The following KCNIP1 variants were observed in gnomAD, a reference collection of about 807,000 sequenced individuals.
KCNIP1 encodes A-type potassium channel modulatory protein KCNIP1.
A neutral mutation model predicts 33.0 loss-of-function variants in KCNIP1; 18 were observed. That is an observed-to-expected ratio of 0.55 (90% CI 0.38 to 0.81). The LOEUF (loss-of-function observed/expected upper bound fraction) is 0.81, where lower values mean the gene tolerates loss of function less well. KCNIP1 is among the 30% of genes least tolerant of loss of function. The probability of loss-of-function intolerance (pLI) is 0.00; values close to 1 mark genes in which losing one functional copy is unlikely to be tolerated. For missense variants in KCNIP1, 238 were observed against 271.6 expected (o/e 0.88, Z 0.87); for synonymous variants, 93 against 98.3 (o/e 0.95, Z 0.32).
At chr5:170,648,651 A>C (rs971519618) in intron 1 of KCNIP1, among the ~76,000 whole-genome samples, 1 of 152,220 alleles carries the variant, frequency 6.6e-6, no homozygotes, top group African/African-American at 2.4e-5. Flanking sequence ...TTTTTAGGGC[A>C]TTGAAACAGT....
intron 1 of KCNIP1, among the ~76,000 whole-genome samples, chr5:170,639,856 C>T (rs1013270677): frequency 1.3e-5 from 2 of 152,250 alleles, no homozygotes; most frequent in Non-Finnish European, 2.9e-5. Context: ...CTGACAAAAA[C>T]ATTATTTTGC....
At chr5:170,455,255 C>A (rs1459602968) in intron 1 of KCNIP1, among the ~76,000 whole-genome samples, 2 of 151,284 alleles carry the variant, frequency 1.3e-5, no homozygotes, top group African/African-American at 4.9e-5. Context: ...CACCCAACAA[C>A]AGAAGTCTTC....
chr5:170,663,211 T>C (rs1581465849), intron 1 of KCNIP1, among the ~76,000 whole-genome samples: 1 of 152,314 alleles, frequency 6.6e-6, no homozygotes, highest in South Asian at 2.1e-4. Context: ...GACTTGTCCA[T>C]GGTCACACAG....
intron 1 of KCNIP1, among the ~76,000 whole-genome samples, chr5:170,472,925 C>A (rs1259099497): frequency 6.6e-6 from 1 of 152,100 alleles, no homozygotes. Flanking sequence ...ATAAAGACTT[C>A]TTTTCCTCTG....
At chr5:170,611,348 G>A (rs141933434) in intron 1 of KCNIP1, among the ~76,000 whole-genome samples, 3 of 152,336 alleles carry the variant, frequency 2.0e-5, no homozygotes, top group Middle Eastern at 3.4e-3. Flanking sequence ...CACATTTGGT[G>A]CTGCTCATTT....
At chr5:170,614,144 G>A (rs1759281466) in intron 1 of KCNIP1, among the ~76,000 whole-genome samples, 1 of 152,224 alleles carries the variant, frequency 6.6e-6, no homozygotes. Flanking sequence ...AGGACTGCCT[G>A]TCCTGGGAAT....
At chr5:170,361,852 A>G (rs1763521255) in intron 1 of KCNIP1, among the ~76,000 whole-genome samples, 1 of 152,136 alleles carries the variant, frequency 6.6e-6, no homozygotes. Context: ...ATCACCTCCC[A>G]AAGGCCCCAC....
At chr5:170,615,478 G>T (rs531594414) in intron 1 of KCNIP1, among the ~76,000 whole-genome samples, 1 of 152,282 alleles carries the variant, frequency 6.6e-6, no homozygotes, top group East Asian at 1.9e-4. Context: ...TCATGGAGCT[G>T]GCATTTTCAT....
intron 1 of KCNIP1, among the ~76,000 whole-genome samples, chr5:170,441,079 T>C (rs543582064): frequency 1.3e-5 from 2 of 152,342 alleles, no homozygotes; most frequent in African/African-American, 4.8e-5. Context: ...AGTCTCTGCA[T>C]GCTCAGGTGT....
intron 1 of KCNIP1, among the ~76,000 whole-genome samples, chr5:170,453,959 T>C (rs1756314732): frequency 6.6e-6 from 1 of 151,594 alleles, no homozygotes; most frequent in African/African-American, 2.4e-5. Flanking sequence ...AGCCAACACC[T>C]TGATTGCAGT....
intron 1 of KCNIP1, among the ~76,000 whole-genome samples, chr5:170,638,934 G>C (rs1760413043): frequency 6.6e-6 from 1 of 152,196 alleles, no homozygotes; most frequent in African/African-American, 2.4e-5. Flanking sequence ...AGGCCTAGGG[G>C]AGAGGCCGGT....
chr5:170,411,831 C>T (rs553910195), intron 1 of KCNIP1, among the ~76,000 whole-genome samples: 2 of 152,120 alleles, frequency 1.3e-5, no homozygotes, highest in South Asian at 2.1e-4. Context: ...CAATGCCGAG[C>T]GCCAAATAAA....
chr5:170,541,279 C>T (rs1002407556), intron 1 of KCNIP1, among the ~76,000 whole-genome samples: 2 of 152,182 alleles, frequency 1.3e-5, no homozygotes, highest in Non-Finnish European at 2.9e-5. Context: ...TCTGTCTGTC[C>T]TTTGTGCCAG....
chr5:170,468,478 T>C (rs1018791304), intron 1 of KCNIP1, among the ~76,000 whole-genome samples: 1 of 152,224 alleles, frequency 6.6e-6, no homozygotes, highest in Non-Finnish European at 1.5e-5. Context: ...TTTGTTACTT[T>C]AATAAATTGA....
Position 170,489,093 on chromosome 5 carries a change from G to GA in KCNIP1, c.88+135130dup, listed in dbSNP as rs1296666029. 6.6e-6 allele frequency among the ~76,000 whole-genome samples: 1 copy of GA among 152,178 alleles called. No homozygotes were observed. The highest frequency in any genetic ancestry group is 1.5e-5 in the Non-Finnish European group (1 of 68,036). On this transcript the variant is annotated intron_variant, in intron 1 of 7. Coordinates refer to the KCNIP1 transcript ENST00000377360. This position sits in a 1 kb window ranked among gnomAD's most constrained non-coding sequence, Gnocchi z 4.3. ...GAGGAAGGATGTGCCTTCTCCCCCG[G>GA]AGGCCAGAGGGCAGGAGACCAGCCA...
intron 1 of KCNIP1, among the ~76,000 whole-genome samples, chr5:170,634,360 G>A (rs1760200879): frequency 6.6e-6 from 1 of 152,158 alleles, no homozygotes; most frequent in Non-Finnish European, 1.5e-5. Flanking sequence ...GCCCACCCCT[G>A]CACCCCTGAG....
chr5:170,486,601 C>T (rs1252281841), intron 1 of KCNIP1, among the ~76,000 whole-genome samples: 1 of 152,226 alleles, frequency 6.6e-6, no homozygotes, highest in African/African-American at 2.4e-5. Flanking sequence ...TTCCCTGGCT[C>T]CTGCCAGTTT....
chr5:170,636,909 T>G (rs1760306997), intron 1 of KCNIP1, among the ~76,000 whole-genome samples: 1 of 152,016 alleles, frequency 6.6e-6, no homozygotes. Flanking sequence ...CTCCTCAAGG[T>G]CATGGCTTCT....
At chr5:170,675,371 G>C (rs1241115228) in intron 1 of KCNIP1, among the ~76,000 whole-genome samples, 1 of 152,016 alleles carries the variant, frequency 6.6e-6, no homozygotes, top group Non-Finnish European at 1.5e-5. Flanking sequence ...TGTAATCCTG[G>C]CACTTTGGGA....
Sources: gnomAD v4.1 joint callset for allele counts (sites outside exome capture counted in the v4.1 genomes callset) on GRCh38, gnomAD v4.1.1 for gene constraint, Gnocchi (gnomAD v3.1) non-coding constraint, MANE v1.5 for transcripts, NCBI Gene and HGNC (gene_info 2026-07-23, HGNC 2026-07-21) for gene names.